MRPL37: variants seen among roughly 807,000 people sequenced by gnomAD.
MRPL37 encodes the protein mitochondrial ribosomal protein L37, also known as large ribosomal subunit protein mL37.
MRPL37 carries 34 observed loss-of-function variants against 44.1 expected under a neutral mutation model. The observed-to-expected ratio is 0.77, with a 90% CI of 0.59 to 1.03. The LOEUF (loss-of-function observed/expected upper bound fraction) is 1.03. Among genes scored for constraint, MRPL37 ranks in the 50% least tolerant of loss-of-function variants. MRPL37 has a pLI of 0.00. For missense variants in MRPL37, 532 were observed against 543.7 expected (o/e 0.98, Z 0.21); for synonymous variants, 212 against 219.5 (o/e 0.97, Z 0.30).
At position 54,212,481 on chromosome 1, in the gene MRPL37, C is replaced by T; in HGVS notation, c.833-20C>T. On this transcript the variant is annotated intron_variant, in intron 4 of 6. Coordinates refer to ENST00000360840, the MANE Select transcript of MRPL37 (RefSeq NM_016491.4). Reference sequence around the variant, plus strand: ...CTGATGAATCCTTTCCACCCCTCCACATAATTGTGTCTCTTGCAGGATTCC... The same window carrying T: ...CTGATGAATCCTTTCCACCCCTCCATATAATTGTGTCTCTTGCAGGATTCC... The T allele has an allele frequency of 1.2e-6, 2 of 1,612,630 alleles. No individual in the cohort carries two copies. The highest frequency in any genetic ancestry group is 1.1e-5 in the South Asian group (1 of 90,890).
Position 54,205,314 on chromosome 1 carries a change from C to T in MRPL37, c.550C>T (p.Leu184=). The T allele has an allele frequency of 6.2e-7, 1 of 1,614,124 alleles. No individual in the cohort carries two copies. The highest frequency in any genetic ancestry group is 8.5e-7 in the Non-Finnish European group (1 of 1,179,984). Residue 184 remains leucine, a synonymous_variant, in exon 3 of 7, where the codon CTA becomes TTA. Coordinates refer to ENST00000360840, the MANE Select transcript of MRPL37 (RefSeq NM_016491.4). The stretch of plus-strand genomic sequence containing the variant: ...TTCAAGCCCGGTCATCGTGGACAAC[C>T]TAATACAGCTGTGTAAATCTCAGAT... ...ETYCPVIVDN[L]IQLCKSQILK... is the part of the protein sequence containing the mutation.
Position 54,205,348 on chromosome 1 carries a change from A to T in MRPL37, c.584A>T (p.His195Leu). The T allele has an allele frequency of 6.2e-7, 1 of 1,614,182 alleles. No homozygotes were observed. Among genetic ancestry groups the T allele is most frequent in the Non-Finnish European group, 8.5e-7 (1 of 1,180,018 alleles). Residue 195 changes from histidine to leucine, a missense_variant, in exon 3 of 7, where the codon CAT becomes CTT. Coordinates refer to ENST00000360840, the MANE Select transcript of MRPL37 (RefSeq NM_016491.4). ...CTGTGTAAATCTCAGATTCTCAAGC[A>T]TCCTTCTCTGGCCAGGAGGATCTGT... ...IQLCKSQILK[H>L]PSLARRICVQ... is the part of the protein sequence containing the mutation.
chr1:54,218,521 C>CT, downstream of MRPL37: 1 of 725,988 alleles, frequency 1.4e-6, no homozygotes, highest in Non-Finnish European at 2.0e-6. Flanking sequence ...TCATCTGTCT[C>CT]TTTCCATTTC....
chr1:54,204,570 A>G (rs1220538917), intron 1 of MRPL37, among the ~76,000 whole-genome samples: 5 of 152,172 alleles, frequency 3.3e-5, no homozygotes, highest in African/African-American at 1.2e-4. Flanking sequence ...CTAGACCCAC[A>G]CCTAATAATA....
intron 6 of MRPL37, among the ~76,000 whole-genome samples, chr1:54,217,193 C>T (rs1201619660): frequency 2.0e-5 from 3 of 152,198 alleles, no homozygotes; most frequent in Non-Finnish European, 2.9e-5. Context: ...TAAATGGAGT[C>T]GCTGAGCCTT....
intron 1 of MRPL37, among the ~76,000 whole-genome samples, chr1:54,204,105 A>G (rs1644104260): frequency 6.6e-6 from 1 of 152,214 alleles, no homozygotes; most frequent in Non-Finnish European, 1.5e-5. Flanking sequence ...AAAACAAGCC[A>G]GGCACAGTGG....
At chr1:54,222,768 C>T (rs1238680970), downstream of MRPL37, among the ~76,000 whole-genome samples, 1 of 152,206 alleles carries the variant, frequency 6.6e-6, no homozygotes, top group Non-Finnish European at 1.5e-5. Context: ...TTCAGACCTG[C>T]CTACTTGATG....
chr1:54,225,251 A>G, downstream of MRPL37: 2 of 1,234,346 alleles, frequency 1.6e-6, no homozygotes, highest in Non-Finnish European at 2.0e-6. Flanking sequence ...CCTTCCGCCA[A>G]GGCCATCGCG....
At chr1:54,214,348 G>A (rs1644184128) in intron 5 of MRPL37, among the ~76,000 whole-genome samples, 1 of 152,182 alleles carries the variant, frequency 6.6e-6, no homozygotes, top group South Asian at 2.1e-4. Flanking sequence ...CTTGCCCAAG[G>A]ATACACAGCT....
At position 54,200,349 on chromosome 1, in the gene MRPL37, C is replaced by A; in HGVS notation, c.106C>A (p.Arg36Ser). Residue 36 changes from arginine (R) to serine (S), a missense_variant, in exon 1 of 7, where the codon CGC (arginine) becomes AGC (serine). Physicochemically the swap from Arg to Ser is moderately radical, Grantham distance 110. Coordinates refer to ENST00000360840, the MANE Select transcript of MRPL37 (RefSeq NM_016491.4). ...PRRGAYEWGV[R>S]STRKSEPPPL... ...ACGCGGGGCGTATGAGTGGGGCGTG[C>A]GCTCCACGCGGAAGTCGGAGCCTCC... The A allele has an allele frequency of 6.2e-7, 1 of 1,614,074 alleles. No homozygotes were observed.
chr1:54,204,908 G>A, intron 1 of MRPL37, 110 bp from the exon 2 acceptor site: 1 of 1,270,330 alleles, frequency 7.9e-7, no homozygotes, highest in Non-Finnish European at 1.1e-6. Context: ...AACAAATCCA[G>A]TTTCTCACTT....
chr1:54,224,488 C>G (rs1292567304), downstream of MRPL37, among the ~76,000 whole-genome samples: 1 of 152,206 alleles, frequency 6.6e-6, no homozygotes, highest in Non-Finnish European at 1.5e-5. Flanking sequence ...CCCCATTTTG[C>G]AGATGAGAGA....
downstream of MRPL37, among the ~76,000 whole-genome samples, chr1:54,224,403 T>G (rs1644259700): frequency 6.6e-6 from 1 of 152,212 alleles, no homozygotes; most frequent in Admixed American, 6.5e-5. Flanking sequence ...CTGCTCTTAG[T>G]CCGTGCACGG....
At chr1:54,221,926 C>G (rs1644237575), downstream of MRPL37, among the ~76,000 whole-genome samples, 1 of 152,172 alleles carries the variant, frequency 6.6e-6, no homozygotes, top group African/African-American at 2.4e-5. Flanking sequence ...TCTGGGAGCT[C>G]CTGGGGTACT....
At chr1:54,224,709 G>T (rs1048176970), downstream of MRPL37, among the ~76,000 whole-genome samples, 1 of 151,982 alleles carries the variant, frequency 6.6e-6, no homozygotes, top group Middle Eastern at 3.2e-3. Flanking sequence ...AGAGCTCCAG[G>T]GAAGTACAAA....
downstream of MRPL37, chr1:54,220,762 A>G (rs1644227286): frequency 2.1e-6 from 1 of 471,270 alleles, no homozygotes; most frequent in Non-Finnish European, 4.4e-6. Flanking sequence ...CTGGTGAAGG[A>G]GCAGGAGCAC....
At chr1:54,204,189 C>T (rs529796724) in intron 1 of MRPL37, among the ~76,000 whole-genome samples, 30 of 152,252 alleles carry the variant, frequency 2.0e-4, no homozygotes, top group Admixed American at 1.6e-3. Flanking sequence ...TCGAGACCAG[C>T]GTGGACAACA....
At chr1:54,210,682 G>A (rs1008728293) in intron 4 of MRPL37, among the ~76,000 whole-genome samples, 2 of 152,162 alleles carry the variant, frequency 1.3e-5, no homozygotes, top group Non-Finnish European at 2.9e-5. Flanking sequence ...GCCATCCACT[G>A]TGTCCTCATG....
Position 54,209,849 on chromosome 1 carries a change from G to A in MRPL37, c.647-97G>A, listed in dbSNP as rs1644151317. 17 of 1,254,976 alleles carry A rather than the reference G, an allele frequency of 1.4e-5. No individual in the cohort carries two copies. In the East Asian group the frequency reaches 3.8e-4, roughly 28 times the overall value. The allele number at this position is 1,254,976 out of a possible 1,614,324, so 77.7% of individuals were successfully genotyped here. The stretch of plus-strand genomic sequence containing the variant: ...TGGCTTCCAATGATCCACCTGCCTT[G>A]GCCTCCCAAAGTGCTGGGATTATAG... On this transcript the variant is annotated intron_variant, in intron 3 of 6. Transcript: ENST00000360840.
Sources: allele counts gnomAD v4.1 joint callset (sites outside exome capture counted in the v4.1 genomes callset), GRCh38; gene constraint gnomAD v4.1.1; transcripts MANE v1.5; gene names NCBI Gene and HGNC (gene_info 2026-07-23, HGNC 2026-07-21).